Variants in DNAJC1 observed in about 807,000 individuals in gnomAD.
The protein encoded by DNAJC1 is dnaJ homolog subfamily C member 1.
In DNAJC1, 58 loss-of-function variants were observed where a neutral mutation model predicts 76.6. The ratio of observed to expected loss-of-function variants is 0.76; its 90% confidence interval spans 0.61 to 0.94. DNAJC1 has a LOEUF of 0.94. Among genes scored for constraint, DNAJC1 ranks in the 40% least tolerant of loss-of-function variants. The pLI, the probability that DNAJC1 is intolerant of heterozygous loss-of-function variation, is 0.00. For missense variants in DNAJC1, 689 were observed against 677.3 expected, an observed-to-expected ratio of 1.02 and a Z score of -0.19; for synonymous variants, 258 against 267.9, an observed-to-expected ratio of 0.96 and a Z score of 0.36.
intron 8 of DNAJC1, among the ~76,000 whole-genome samples, chr10:21,874,656 G>A (rs1657198537): frequency 6.6e-6 from 1 of 152,142 alleles, no homozygotes; most frequent in African/African-American, 2.4e-5. Context: ...ACTGCTAATA[G>A]ATATGGTTTT....
chr10:21,932,171 T>A (rs1339968596), intron 1 of DNAJC1, among the ~76,000 whole-genome samples: 1 of 151,644 alleles, frequency 6.6e-6, no homozygotes, highest in Non-Finnish European at 1.5e-5. Context: ...ACCCCATCTG[T>A]GCAAAAAAAA....
intron 8 of DNAJC1, among the ~76,000 whole-genome samples, chr10:21,833,119 T>C (rs1409192539): frequency 6.6e-6 from 1 of 152,214 alleles, no homozygotes; most frequent in Non-Finnish European, 1.5e-5. Context: ...CCTCAAAATA[T>C]GCTTATTTAG....
At chr10:21,795,434 A>G (rs754539607) in intron 9 of DNAJC1, among the ~76,000 whole-genome samples, 9 of 152,146 alleles carry the variant, frequency 5.9e-5, no homozygotes, top group Non-Finnish European at 1.0e-4. Flanking sequence ...AATTTCCTGA[A>G]AAGAAAATAG....
chr10:21,861,392 C>T (rs980694396), intron 8 of DNAJC1, among the ~76,000 whole-genome samples: 8 of 152,018 alleles, frequency 5.3e-5, no homozygotes, highest in African/African-American at 1.9e-4. Flanking sequence ...ACTTAACCCC[C>T]AAATGTCAGT....
At chr10:21,769,320 T>C (rs1193185033) in intron 9 of DNAJC1, among the ~76,000 whole-genome samples, 1 of 152,234 alleles carries the variant, frequency 6.6e-6, no homozygotes, top group Admixed American at 6.5e-5. Flanking sequence ...AAGCTTACTA[T>C]GCAATAGGCA....
intron 1 of DNAJC1, among the ~76,000 whole-genome samples, chr10:21,958,699 T>A (rs1692633519): frequency 6.6e-6 from 1 of 152,164 alleles, no homozygotes; most frequent in Non-Finnish European, 1.5e-5. Context: ...GTGCTGGGAT[T>A]ACAGGAGTGA....
intron 9 of DNAJC1, among the ~76,000 whole-genome samples, chr10:21,787,939 T>A (rs953786721): frequency 6.6e-6 from 1 of 152,222 alleles, no homozygotes; most frequent in African/African-American, 2.4e-5. Flanking sequence ...CTGGAACTAA[T>A]GCTGGAGTAG....
chr10:21,955,770 C>T (rs1489008685), intron 1 of DNAJC1, among the ~76,000 whole-genome samples: 1 of 152,064 alleles, frequency 6.6e-6, no homozygotes, highest in Non-Finnish European at 1.5e-5. Flanking sequence ...TTGACATTAG[C>T]ATCTCCATAT....
At chr10:21,935,397 C>A (rs531502402) in intron 1 of DNAJC1, among the ~76,000 whole-genome samples, 310 of 152,042 alleles carry the variant, frequency 2.0e-3, no homozygotes, top group African/African-American at 7.2e-3. Context: ...AAGAAACAAT[C>A]AATGAACACT....
rs192109389 is a variant in DNAJC1 at position 21,821,505 on chromosome 10, T to C, written c.979-15406A>G. Among the ~76,000 whole-genome samples, 10 of 152,236 alleles carry C rather than the reference T, an allele frequency of 6.6e-5. No individual in the cohort carries two copies. In the East Asian group the frequency reaches 1.9e-3, roughly 29 times the overall value. ...ATAAAGTCAATGAATGACTGTCGAATGAGTATTTTGAGGAAAAATAGAAGA... is the reference window on the plus strand; with the variant it reads ...ATAAAGTCAATGAATGACTGTCGAACGAGTATTTTGAGGAAAAATAGAAGA... On this transcript the variant is annotated intron_variant, in intron 8 of 11. Coordinates refer to ENST00000376980, the MANE Select transcript of DNAJC1 (RefSeq NM_022365.4).
intron 9 of DNAJC1, among the ~76,000 whole-genome samples, chr10:21,776,400 T>C (rs1343927849): frequency 6.6e-6 from 1 of 152,182 alleles, no homozygotes; most frequent in Non-Finnish European, 1.5e-5. Flanking sequence ...GTCAGTGATA[T>C]TTTAAGTATT....
At position 21,838,045 on chromosome 10, in the gene DNAJC1, TG is replaced by T. The variant is rs575123284; in HGVS notation, c.979-31947del. On this transcript the variant is annotated intron_variant, in intron 8 of 11. Coordinates refer to ENST00000376980, the MANE Select transcript of DNAJC1 (RefSeq NM_022365.4). Reference sequence around the variant, plus strand: ...CCCAGCCGCTGCCCCGTCCGGGAGGTGGGGGGCGCCTCTGCCTGGCCGCCCC... The same window carrying T: ...CCCAGCCGCTGCCCCGTCCGGGAGGTGGGGGCGCCTCTGCCTGGCCGCCCC... 1.8e-3 allele frequency among the ~76,000 whole-genome samples: 265 copies of T among 147,024 alleles called. 2 individuals are homozygous for T. The South Asian group carries it at 0.025, about 14-fold the overall frequency.
At chr10:21,916,357 C>T (rs1389135763) in intron 6 of DNAJC1, among the ~76,000 whole-genome samples, 4 of 151,980 alleles carry the variant, frequency 2.6e-5, no homozygotes, top group Admixed American at 1.3e-4. Context: ...GGCGTGGTAG[C>T]GGGCGCCTGT....
chr10:21,836,907 GTCTCTCCACGGTCTTCCTCTCCCTC>G (rs1472704801), intron 8 of DNAJC1, among the ~76,000 whole-genome samples: 24 of 152,106 alleles, frequency 1.6e-4, no homozygotes, highest in Admixed American at 3.3e-4. Context: ...CTCCCTCTCC[GTCTCTCCACGGTCTTCCTCTCCCTC>G]TCTCTCCACG....
Position 21,919,940 on chromosome 10 carries a change from A to C in DNAJC1, c.538-11T>G, listed in dbSNP as rs1307307617. Reference sequence around the variant, plus strand: ...ACTTAGTAGTTCATCCTTAATGTGGAAAGAATTATGGTTACAGGTTATCAT... The same window carrying C: ...ACTTAGTAGTTCATCCTTAATGTGGCAAGAATTATGGTTACAGGTTATCAT... On this transcript the variant is annotated splice_polypyrimidine_tract_variant and intron_variant, in intron 4 of 11. Transcript: ENST00000376980. 1 of 1,536,544 alleles carries C rather than the reference A, an allele frequency of 6.5e-7. No homozygotes were observed. The highest frequency in any genetic ancestry group is 2.2e-5 in the East Asian group (1 of 44,466).
At chr10:21,789,747 C>T (rs1232537662) in intron 9 of DNAJC1, among the ~76,000 whole-genome samples, 3 of 152,062 alleles carry the variant, frequency 2.0e-5, no homozygotes, top group South Asian at 2.1e-4. Flanking sequence ...CAGTGGCTCA[C>T]GCCTATAATC....
At chr10:21,775,401 C>T (rs1357299030) in intron 9 of DNAJC1, among the ~76,000 whole-genome samples, 3 of 144,040 alleles carry the variant, frequency 2.1e-5, no homozygotes, top group African/African-American at 7.8e-5. Flanking sequence ...AGAGCCATAT[C>T]CATGGCAGAT....
chr10:21,918,770 A>G lies in DNAJC1; in HGVS notation c.729+9T>C, dbSNP rs939013326. The G allele has an allele frequency of 1.3e-6, 2 of 1,594,824 alleles. No homozygotes were observed. The highest frequency in any genetic ancestry group is 1.7e-6 in the Non-Finnish European group (2 of 1,162,800). ...AGATCTAATGTTATATAAAAGAGGT[A>G]CATTTTACCTGGATGAGGTGAGGTA... On this transcript the variant is annotated intron_variant, in intron 6 of 11. Transcript: ENST00000376980.
intron 8 of DNAJC1, among the ~76,000 whole-genome samples, chr10:21,868,135 T>TTG (rs1836039666): frequency 6.7e-6 from 1 of 149,136 alleles, no homozygotes; most frequent in Non-Finnish European, 1.5e-5. Flanking sequence ...ATTCTTTTTT[T>TTG]TTTTTTGAGA....
Sources: gnomAD v4.1 joint callset for allele counts (sites outside exome capture counted in the v4.1 genomes callset) on GRCh38, gnomAD v4.1.1 for gene constraint, MANE v1.5 for transcripts, NCBI Gene and HGNC (gene_info 2026-07-23, HGNC 2026-07-21) for gene names.